The following CENPP variants were observed in gnomAD, a reference collection of about 807,000 sequenced individuals.
CENPP encodes the protein centromere protein P.
Under a neutral mutation model 35.6 loss-of-function variants are expected in CENPP, and 24 were observed. That is an observed-to-expected ratio of 0.67 (90% CI 0.49 to 0.95). The LOEUF (loss-of-function observed/expected upper bound fraction) is 0.95, where lower values mean the gene tolerates loss of function less well. Among genes scored for constraint, CENPP ranks in the 40% least tolerant of loss-of-function variants. The pLI is 0.00. For synonymous variants in CENPP, 120 were observed against 125.5 expected, an observed-to-expected ratio of 0.96 and a Z score of 0.29; for missense variants, 332 against 345.3, an observed-to-expected ratio of 0.96 and a Z score of 0.31.
chr9:92,424,992 T>C (rs1260209399), intron 5 of CENPP, among the ~76,000 whole-genome samples: 1 of 152,228 alleles, frequency 6.6e-6, no homozygotes, highest in Non-Finnish European at 1.5e-5. Context: ...TCAAAATTTC[T>C]TGAGTCCCTT....
chr9:92,571,416 C>A (rs1850135975), intron 5 of CENPP, among the ~76,000 whole-genome samples: 1 of 152,166 alleles, frequency 6.6e-6, no homozygotes, highest in South Asian at 2.1e-4. Context: ...ATCCTGAGTT[C>A]TAGTTTGATT....
chr9:92,551,938 TATA>T (rs371447927), intron 5 of CENPP, among the ~76,000 whole-genome samples: 6 of 86,634 alleles, frequency 6.9e-5, no homozygotes, highest in African/African-American at 5.2e-4. Flanking sequence ...TATATATATA[TATA>T]TATATATATA....
chr9:92,536,035 G>T, intron 5 of CENPP: 1 of 505,056 alleles, frequency 2.0e-6, no homozygotes, highest in South Asian at 1.5e-5. Flanking sequence ...AAGGACAGAA[G>T]GGAATGTTGA....
intron 5 of CENPP, among the ~76,000 whole-genome samples, chr9:92,470,382 A>G (rs938850652): frequency 5.3e-5 from 8 of 152,244 alleles, no homozygotes; most frequent in Admixed American, 5.2e-4. Flanking sequence ...ATTTTAATGT[A>G]TAGTGACTGT....
chr9:92,356,087 T>C (rs1168595075), intron 4 of CENPP, among the ~76,000 whole-genome samples: 1 of 152,216 alleles, frequency 6.6e-6, no homozygotes, highest in Non-Finnish European at 1.5e-5. Flanking sequence ...TATTGATTAG[T>C]TTGGTATTTA....
At chr9:92,423,271 A>AT (rs1462171995) in intron 5 of CENPP, among the ~76,000 whole-genome samples, 2 of 152,156 alleles carry the variant, frequency 1.3e-5, no homozygotes, top group Non-Finnish European at 2.9e-5. Context: ...ATATATATAT[A>AT]TTACCAGTTT....
intron 5 of CENPP, among the ~76,000 whole-genome samples, chr9:92,597,182 A>C (rs898844968): frequency 6.6e-6 from 1 of 152,164 alleles, no homozygotes; most frequent in Non-Finnish European, 1.5e-5. Context: ...AAGTTATGTT[A>C]ATTATTCTGA....
intron 5 of CENPP, among the ~76,000 whole-genome samples, chr9:92,425,133 A>G (rs928684876): frequency 1.3e-5 from 2 of 152,218 alleles, no homozygotes; most frequent in South Asian, 2.1e-4. Flanking sequence ...CAGATTAACT[A>G]TACGACTTTT....
chr9:92,381,030 G>A lies in CENPP; in HGVS notation c.564+1171G>A, dbSNP rs181393241. Among the ~76,000 whole-genome samples, 31 of 152,234 alleles carry A rather than the reference G, an allele frequency of 2.0e-4. 1 individual carries two copies. The East Asian group carries it at 3.1e-3, about 15-fold the overall frequency. ...AAACCTATCACATTGTCCTGTAACC[G>A]TCACCAATATCCACATTGTTTTGTA... On this transcript the variant is annotated intron_variant, in intron 5 of 7. Transcript: ENST00000375587.
intron 4 of CENPP, among the ~76,000 whole-genome samples, chr9:92,374,398 G>T (rs892673612): frequency 6.6e-6 from 1 of 151,942 alleles, no homozygotes; most frequent in African/African-American, 2.4e-5. Flanking sequence ...AGAGACGGAG[G>T]TTTCTCCATG....
At chr9:92,359,886 A>G (rs1841699482) in intron 4 of CENPP, among the ~76,000 whole-genome samples, 1 of 151,826 alleles carries the variant, frequency 6.6e-6, no homozygotes, top group Admixed American at 6.6e-5. Flanking sequence ...GGGGGTGAAG[A>G]AATGGGTAGC....
At chr9:92,595,663 T>C (rs1252854078) in intron 5 of CENPP, among the ~76,000 whole-genome samples, 1 of 152,084 alleles carries the variant, frequency 6.6e-6, no homozygotes, top group Non-Finnish European at 1.5e-5. Context: ...TCTCCTGGGT[T>C]CAAGCGATTC....
chr9:92,522,593 T>C, intron 5 of CENPP: 1 of 1,612,944 alleles, frequency 6.2e-7, no homozygotes, highest in Middle Eastern at 1.7e-4. Context: ...ACATTATAAC[T>C]TGATTCTACT....
chr9:92,403,423 G>T, intron 5 of CENPP: 1 of 1,590,324 alleles, frequency 6.3e-7, no homozygotes, highest in Non-Finnish European at 8.5e-7. Context: ...CAAAAATCAA[G>T]GTGACTGGAA....
chr9:92,431,767 G>C (rs546571124), intron 5 of CENPP, among the ~76,000 whole-genome samples: 2 of 152,124 alleles, frequency 1.3e-5, no homozygotes, highest in East Asian at 3.9e-4. Flanking sequence ...TAGAAATGGG[G>C]TTTCACCACA....
intron 5 of CENPP, among the ~76,000 whole-genome samples, chr9:92,413,771 T>A (rs1414478912): frequency 1.3e-5 from 2 of 152,060 alleles, no homozygotes; most frequent in Non-Finnish European, 2.9e-5. Flanking sequence ...ATGAATGGAG[T>A]TTTCTTCATA....
rs528545690 is a variant in CENPP at position 92,345,587 on chromosome 9, T to C, written c.379-112T>C. The C allele has an allele frequency of 1.4e-4, 89 of 655,032 alleles. No homozygotes were observed. In the Middle Eastern group the frequency reaches 2.0e-3, roughly 15 times the overall value. 40.6% of individuals were successfully genotyped at this position (655,032 alleles called of 1,614,324 possible). On this transcript the variant is annotated intron_variant, in intron 3 of 7. Transcript: ENST00000375587. ...TTTTGTTTTTGTTTTGTTTCTGTCA[T>C]GATTACTCTTTCCTTTTATTTGGTG...
chr9:92,501,200 G>A (rs190254490), intron 5 of CENPP: 1 of 797,298 alleles, frequency 1.3e-6, no homozygotes, highest in Non-Finnish European at 1.9e-6. Flanking sequence ...ACTTTTCCAG[G>A]TATAGCCAGC....
rs375223913 is a variant in CENPP at position 92,387,434 on chromosome 9, CAGTT to C, written c.564+7578_564+7581del. ...ATGTTTCCCAAAGCAGTTTAGCAAA[CAGTT>C]AGCTTGATGCAGGTTTTTTCCCTAA... On this transcript the variant is annotated intron_variant, in intron 5 of 7. Coordinates refer to ENST00000375587, the MANE Select transcript of CENPP (RefSeq NM_001012267.3). 1.7e-4 allele frequency among the ~76,000 whole-genome samples: 26 copies of C among 151,724 alleles called. No homozygotes were observed. The South Asian group carries it at 4.0e-3, about 23-fold the overall frequency.
Sources: gnomAD v4.1 joint callset for allele counts (sites outside exome capture counted in the v4.1 genomes callset) on GRCh38, gnomAD v4.1.1 for gene constraint, MANE v1.5 for transcripts, NCBI Gene and HGNC (gene_info 2026-07-23, HGNC 2026-07-21) for gene names.